The following TEAD1 variants were observed in gnomAD, a reference collection of about 807,000 sequenced individuals.
TEAD1 encodes transcriptional enhancer factor TEF-1.
A neutral mutation model predicts 54.9 loss-of-function variants in TEAD1; 9 were observed. The ratio of observed to expected loss-of-function variants is 0.16; its 90% CI spans 0.10 to 0.29. TEAD1 has a LOEUF of 0.29. Among genes scored for constraint, TEAD1 ranks in the 10% least tolerant of loss-of-function variants. TEAD1 has a pLI of 1.00. For missense variants in TEAD1, 387 were observed against 535.9 expected (o/e 0.72, Z 2.74); for synonymous variants, 200 against 187.8 (o/e 1.07, Z -0.53).
chr11:12,825,412 A>C (rs993737797), intron 3 of TEAD1, among the ~76,000 whole-genome samples: 2 of 152,348 alleles, frequency 1.3e-5, no homozygotes, highest in Non-Finnish European at 2.9e-5. Context: ...AGATTAGTAT[A>C]CAAAAATCAA....
intron 3 of TEAD1, among the ~76,000 whole-genome samples, chr11:12,785,397 A>G (rs940665604): frequency 4.6e-5 from 7 of 152,174 alleles, no homozygotes; most frequent in Non-Finnish European, 1.0e-4. Flanking sequence ...CCTGTCCCAC[A>G]GGTCCTGGGT....
chr11:12,690,748 C>T (rs1943441324), intron 2 of TEAD1, among the ~76,000 whole-genome samples: 1 of 152,130 alleles, frequency 6.6e-6, no homozygotes, highest in African/African-American at 2.4e-5. Context: ...ACTGGTGGTT[C>T]TCTGATACTC....
At chr11:12,683,001 C>T (rs924340841) in intron 2 of TEAD1, among the ~76,000 whole-genome samples, 3 of 151,900 alleles carry the variant, frequency 2.0e-5, no homozygotes, top group Non-Finnish European at 4.4e-5. Flanking sequence ...GTGAATGCAG[C>T]GGAGAGGAAA....
intron 3 of TEAD1, chr11:12,850,937 A>G (rs1451403476): frequency 2.0e-5 from 7 of 343,510 alleles, no homozygotes; most frequent in Non-Finnish European, 2.5e-5. Context: ...AGAGACGAGA[A>G]CAAAGGTCTG....
At chr11:12,884,806 A>G (rs1564976988) in intron 9 of TEAD1, among the ~76,000 whole-genome samples, 1 of 152,316 alleles carries the variant, frequency 6.6e-6, no homozygotes, top group East Asian at 1.9e-4. Flanking sequence ...GCTAACAGGA[A>G]GAGTGATGGT....
intron 12 of TEAD1, among the ~76,000 whole-genome samples, chr11:12,935,165 G>A (rs747765348): frequency 6.6e-5 from 10 of 152,170 alleles, no homozygotes; most frequent in Non-Finnish European, 1.0e-4. Flanking sequence ...GCAGAGGGAC[G>A]CAGGGCATTC....
intron 2 of TEAD1, among the ~76,000 whole-genome samples, chr11:12,745,252 T>A (rs2133897926): frequency 6.6e-6 from 1 of 152,344 alleles, no homozygotes; most frequent in Non-Finnish European, 1.5e-5. Flanking sequence ...TGCTGGTTGA[T>A]AATTGCACGG....
intron 3 of TEAD1, among the ~76,000 whole-genome samples, chr11:12,830,071 C>G (rs1325199919): frequency 6.6e-6 from 1 of 152,038 alleles, no homozygotes; most frequent in Non-Finnish European, 1.5e-5. Context: ...GGGCATCAGA[C>G]AAAGGACCCC....
intron 3 of TEAD1, among the ~76,000 whole-genome samples, chr11:12,843,459 G>A (rs999114095): frequency 2.0e-5 from 3 of 152,182 alleles, no homozygotes; most frequent in East Asian, 1.9e-4. Flanking sequence ...AGTCAGCTAC[G>A]AAGTAAGTAA....
At chr11:12,802,323 A>C (rs555825590) in intron 3 of TEAD1, among the ~76,000 whole-genome samples, 2 of 152,286 alleles carry the variant, frequency 1.3e-5, no homozygotes, top group Non-Finnish European at 2.9e-5. Flanking sequence ...GGGACTTCGA[A>C]ATATGGAATA....
intron 3 of TEAD1, among the ~76,000 whole-genome samples, chr11:12,805,282 T>C (rs1424948618): frequency 6.6e-6 from 1 of 152,204 alleles, no homozygotes; most frequent in East Asian, 1.9e-4. Flanking sequence ...CTGCTTTATA[T>C]TGTTTATTTA....
chr11:12,846,130 G>A (rs544807991), intron 3 of TEAD1, among the ~76,000 whole-genome samples: 15 of 152,348 alleles, frequency 9.8e-5, no homozygotes, highest in South Asian at 6.2e-4. Flanking sequence ...CATGCTGGGC[G>A]AAGGTCTGTA....
chr11:12,681,779 C>T (rs558771818), intron 2 of TEAD1, among the ~76,000 whole-genome samples: 1 of 152,360 alleles, frequency 6.6e-6, no homozygotes, highest in East Asian at 1.9e-4. Context: ...CCGCTGCCTG[C>T]GTGTTCTCAC....
At chr11:12,773,279 A>T (rs1344407674) in intron 3 of TEAD1, among the ~76,000 whole-genome samples, 2 of 152,230 alleles carry the variant, frequency 1.3e-5, no homozygotes, top group African/African-American at 4.8e-5. Flanking sequence ...CTTACATGGG[A>T]TAAATGCCCA....
chr11:12,900,983 AACGTCTAG>A (rs1453938663), intron 9 of TEAD1, among the ~76,000 whole-genome samples: 4 of 152,210 alleles, frequency 2.6e-5, no homozygotes, highest in African/African-American at 9.6e-5. Context: ...TCTGGAGTAT[AACGTCTAG>A]ACCAGTGGTC....
intron 4 of TEAD1, among the ~76,000 whole-genome samples, chr11:12,864,064 A>G (rs1202282405): frequency 3.0e-5 from 3 of 98,642 alleles, no homozygotes; most frequent in East Asian, 7.0e-4. Flanking sequence ...AAAGATTTTT[A>G]TAAGGGCAAA....
At chr11:12,811,054 C>T (rs187498149) in intron 3 of TEAD1, among the ~76,000 whole-genome samples, 7 of 152,296 alleles carry the variant, frequency 4.6e-5, no homozygotes, top group Admixed American at 2.0e-4. Flanking sequence ...GGTGGGATGA[C>T]GTCCCTTGCA....
intron 2 of TEAD1, among the ~76,000 whole-genome samples, chr11:12,704,178 A>G (rs1481606755): frequency 6.6e-6 from 1 of 152,206 alleles, no homozygotes; most frequent in Non-Finnish European, 1.5e-5. Context: ...GGCTAGAGGA[A>G]GATGACGAAT....
chr11:12,766,181 G>T (rs1211806091), intron 3 of TEAD1, among the ~76,000 whole-genome samples: 3 of 152,218 alleles, frequency 2.0e-5, no homozygotes, highest in Non-Finnish European at 4.4e-5. Context: ...GAAAGGTCCT[G>T]TCCTTTCAGG....
Sources: allele counts gnomAD v4.1 joint callset (sites outside exome capture counted in the v4.1 genomes callset), GRCh38; gene constraint gnomAD v4.1.1; transcripts MANE v1.5; gene names NCBI Gene and HGNC (gene_info 2026-07-23, HGNC 2026-07-21).